The following CDK17 variants were observed in gnomAD, a reference collection of about 807,000 sequenced individuals.
CDK17 encodes the protein cyclin dependent kinase 17.
A neutral mutation model predicts 77.6 loss-of-function variants in CDK17; 24 were observed. The observed-to-expected ratio is 0.31, with a 90% CI of 0.22 to 0.44. The LOEUF is 0.44. CDK17 is among the 20% of genes least tolerant of loss of function. The probability of loss-of-function intolerance (pLI) is 1.00; values close to 1 mark genes in which losing one functional copy is unlikely to be tolerated. For missense variants in CDK17, 429 were observed against 622.5 expected, an observed-to-expected ratio of 0.69 and a Z score of 3.31; for synonymous variants, 203 against 210.4, an observed-to-expected ratio of 0.96 and a Z score of 0.30.
rs143558041 is a variant in CDK17, at chr12:96,369,176, A to G, written c.-30+30810T>C. ...AAAAAGAAAAAAAAAGTATATATCT[A>G]TATACATATCTTTACAATTATGTAC... On this transcript the variant is annotated intron_variant, in intron 1 of 16. Transcript: ENST00000261211. 5.3e-3 allele frequency among the ~76,000 whole-genome samples: 814 copies of G among 152,242 alleles called. 7 individuals are homozygous for G. Among genetic ancestry groups the G allele is most frequent in the African/African-American group, 0.019 (786 of 41,552 alleles).
chr12:96,282,147 T>C (rs1298222141), intron 15 of CDK17: 1 of 170,784 alleles, frequency 5.9e-6, no homozygotes, highest in Non-Finnish European at 1.2e-5. Flanking sequence ...ATGTTTCGGT[T>C]ATGCTTCATT....
intron 3 of CDK17, among the ~76,000 whole-genome samples, chr12:96,322,078 C>G (rs982348854): frequency 1.3e-5 from 2 of 152,114 alleles, no homozygotes; most frequent in African/African-American, 4.8e-5. Context: ...CTGACCCAAA[C>G]AAGAAATTAC....
chr12:96,376,421 T>C (rs1318949372), intron 1 of CDK17, among the ~76,000 whole-genome samples: 4 of 152,234 alleles, frequency 2.6e-5, no homozygotes, highest in Non-Finnish European at 4.4e-5. Context: ...GATGTTCCTT[T>C]CTGGTTTGCC....
At chr12:96,388,800 T>C (rs910074915) in intron 1 of CDK17, among the ~76,000 whole-genome samples, 1 of 152,162 alleles carries the variant, frequency 6.6e-6, no homozygotes, top group Non-Finnish European at 1.5e-5. Flanking sequence ...CAACATCTGC[T>C]TGGCAACTGG....
chr12:96,341,766 T>G (rs1257736886), intron 1 of CDK17, among the ~76,000 whole-genome samples: 5 of 152,156 alleles, frequency 3.3e-5, no homozygotes, highest in Admixed American at 3.3e-4. Flanking sequence ...CCAAACTAGA[T>G]GTTCTAGTAT....
At chr12:96,326,691 T>C (rs1379747143) in intron 2 of CDK17, among the ~76,000 whole-genome samples, 1 of 152,206 alleles carries the variant, frequency 6.6e-6, no homozygotes, top group Non-Finnish European at 1.5e-5. Flanking sequence ...TCTAAAAATA[T>C]GTGTTTCTAA....
chr12:96,354,999 T>C (rs1032971163), intron 1 of CDK17, among the ~76,000 whole-genome samples: 1 of 152,054 alleles, frequency 6.6e-6, no homozygotes, highest in Admixed American at 6.5e-5. Context: ...AGCAAACATA[T>C]TAAATCATAA....
intron 1 of CDK17, among the ~76,000 whole-genome samples, chr12:96,382,579 AT>A (rs1315035397): frequency 6.6e-6 from 1 of 152,080 alleles, no homozygotes; most frequent in African/African-American, 2.4e-5. Context: ...TCAGAACAAT[AT>A]CCCCGATGAA....
intron 1 of CDK17, among the ~76,000 whole-genome samples, chr12:96,349,554 G>GAAA (rs1953280287): frequency 7.2e-6 from 1 of 138,190 alleles, no homozygotes; most frequent in African/African-American, 2.7e-5. Flanking sequence ...AAAAAAAAAG[G>GAAA]ATTTTACAAA....
chr12:96,283,954 T>C (rs548659455), intron 13 of CDK17, among the ~76,000 whole-genome samples: 1 of 152,248 alleles, frequency 6.6e-6, no homozygotes, highest in Non-Finnish European at 1.5e-5. Context: ...AGCTTACATA[T>C]TGTATCACTT....
intron 9 of CDK17, among the ~76,000 whole-genome samples, chr12:96,295,948 C>G (rs1952399319): frequency 6.6e-6 from 1 of 152,158 alleles, no homozygotes; most frequent in African/African-American, 2.4e-5. Flanking sequence ...CTCAGTTCAT[C>G]TGTAGGTGAA....
chr12:96,304,614 G>A (rs1453205549), intron 5 of CDK17, among the ~76,000 whole-genome samples: 3 of 152,148 alleles, frequency 2.0e-5, no homozygotes, highest in Non-Finnish European at 4.4e-5. Flanking sequence ...GGGAATTACC[G>A]AGTTACTGTT....
chr12:96,330,585 C>A (rs1952952840), intron 2 of CDK17, among the ~76,000 whole-genome samples: 1 of 152,190 alleles, frequency 6.6e-6, no homozygotes, highest in South Asian at 2.1e-4. Context: ...TATGGATTTA[C>A]CTATTCTGGA....
At chr12:96,385,905 G>C (rs966533698) in intron 1 of CDK17, among the ~76,000 whole-genome samples, 1 of 151,648 alleles carries the variant, frequency 6.6e-6, no homozygotes, top group African/African-American at 2.4e-5. Flanking sequence ...TGAAACAAAA[G>C]ACAATTATAC....
chr12:96,342,423 G>A (rs568057435), intron 1 of CDK17, among the ~76,000 whole-genome samples: 1 of 152,238 alleles, frequency 6.6e-6, no homozygotes, highest in South Asian at 2.1e-4. Flanking sequence ...TTAGCCAGGC[G>A]TGGTGGTGTG....
At chr12:96,377,786 C>T (rs1275022976) in intron 1 of CDK17, among the ~76,000 whole-genome samples, 2 of 151,050 alleles carry the variant, frequency 1.3e-5, no homozygotes, top group Non-Finnish European at 3.0e-5. Flanking sequence ...CTCCCCCTCC[C>T]GGGTTCACGC....
At chr12:96,381,412 C>T (rs1025164886) in intron 1 of CDK17, among the ~76,000 whole-genome samples, 1 of 149,976 alleles carries the variant, frequency 6.7e-6, no homozygotes, top group Non-Finnish European at 1.5e-5. Flanking sequence ...ACCTAGACAA[C>T]GGGTAACAGG....
intron 3 of CDK17, among the ~76,000 whole-genome samples, chr12:96,323,377 G>A (rs1287579978): frequency 1.3e-5 from 2 of 151,970 alleles, no homozygotes; most frequent in Non-Finnish European, 2.9e-5. Context: ...GATCATTTGA[G>A]CCTGGGAGGT....
chr12:96,349,368 G>T (rs781005237), intron 1 of CDK17, among the ~76,000 whole-genome samples: 2 of 151,882 alleles, frequency 1.3e-5, no homozygotes, highest in Non-Finnish European at 2.9e-5. Flanking sequence ...CGGGAGAATC[G>T]CTTAAACCCA....
Sources: allele counts gnomAD v4.1 joint callset (sites outside exome capture counted in the v4.1 genomes callset), GRCh38; gene constraint gnomAD v4.1.1; transcripts MANE v1.5; gene names NCBI Gene and HGNC (gene_info 2026-07-23, HGNC 2026-07-21).